Variants in ZDHHC17 observed in about 807,000 individuals in gnomAD.
ZDHHC17 encodes palmitoyltransferase ZDHHC17.
In ZDHHC17, 40 loss-of-function variants were observed where a neutral mutation model predicts 90.3. The ratio of observed to expected loss-of-function variants is 0.44; its 90% confidence interval spans 0.34 to 0.58. ZDHHC17 has a LOEUF of 0.58. ZDHHC17 is among the 20% of genes least tolerant of loss of function. The probability of loss-of-function intolerance (pLI) is 0.01; values close to 1 mark genes in which losing one functional copy is unlikely to be tolerated. For missense variants in ZDHHC17, 614 were observed against 780.8 expected, an observed-to-expected ratio of 0.79 and a Z score of 2.55; for synonymous variants, 235 against 252.4, an observed-to-expected ratio of 0.93 and a Z score of 0.65.
intron 1 of ZDHHC17, among the ~76,000 whole-genome samples, chr12:76,770,437 T>G (rs908749507): frequency 6.6e-6 from 1 of 152,210 alleles, no homozygotes; most frequent in Non-Finnish European, 1.5e-5. Flanking sequence ...TTTGCTAGGC[T>G]CCGAAGTAAT....
intron 1 of ZDHHC17, among the ~76,000 whole-genome samples, chr12:76,780,969 T>C (rs1445996766): frequency 6.9e-6 from 1 of 144,548 alleles, no homozygotes; most frequent in African/African-American, 2.6e-5. Flanking sequence ...CTACTAAAAA[T>C]ACAAAAAAAA....
At chr12:76,773,830 T>A (rs981856829) in intron 1 of ZDHHC17, among the ~76,000 whole-genome samples, 2 of 152,240 alleles carry the variant, frequency 1.3e-5, no homozygotes, top group Non-Finnish European at 2.9e-5. Flanking sequence ...GCAGTTGCTC[T>A]AAGGCCACTT....
At chr12:76,825,809 G>C (rs558639666) in intron 8 of ZDHHC17, among the ~76,000 whole-genome samples, 9 of 152,180 alleles carry the variant, frequency 5.9e-5, no homozygotes, top group Non-Finnish European at 1.2e-4. Flanking sequence ...ACTCTGCTTT[G>C]TTAGACCACA....
intron 12 of ZDHHC17, chr12:76,844,637 A>G (rs1420380192): frequency 6.6e-6 from 1 of 152,160 alleles, no homozygotes; most frequent in East Asian, 1.9e-4. Context: ...CCTTCTCCTA[A>G]GTAGATTTAG....
chr12:76,764,296 C>T lies in ZDHHC17; in HGVS notation c.60C>T (p.Thr20=), dbSNP rs769351803. ...CGGACGGCCCGGATGAGTACGATAC[C>T]GAAGCGGGCTGTGTGCCCCTTCTCC... The part of the protein sequence containing the change: ...KMADGPDEYD[T]EAGCVPLLHP... Residue 20 remains threonine (T), a synonymous_variant, in exon 1 of 17, where the codon ACC becomes ACT. Transcript: ENST00000426126. The T allele has an allele frequency of 6.8e-5, 109 of 1,606,038 alleles. No homozygotes were observed. Among genetic ancestry groups the T allele is most frequent in the Non-Finnish European group, 9.1e-5 (107 of 1,176,514 alleles).
intron 1 of ZDHHC17, among the ~76,000 whole-genome samples, chr12:76,787,420 G>A (rs1008839531): frequency 6.6e-6 from 1 of 152,106 alleles, no homozygotes; most frequent in Non-Finnish European, 1.5e-5. Flanking sequence ...ACAGTGTTAT[G>A]CATTCCCTGG....
chr12:76,834,236 TTTA>T (rs1953337977), intron 10 of ZDHHC17, among the ~76,000 whole-genome samples: 1 of 152,224 alleles, frequency 6.6e-6, no homozygotes, highest in African/African-American at 2.4e-5. Context: ...CTATGCTTCT[TTTA>T]TTATAATTAA....
intron 1 of ZDHHC17, among the ~76,000 whole-genome samples, chr12:76,792,545 C>A (rs1592468843): frequency 6.6e-6 from 1 of 151,888 alleles, no homozygotes; most frequent in Non-Finnish European, 1.5e-5. Flanking sequence ...TCAGCTTATC[C>A]CAGCTCTTCC....
At position 76,797,418 on chromosome 12, in the gene ZDHHC17, AT is replaced by A; in HGVS notation, c.94-12del. On this transcript the variant is annotated splice_polypyrimidine_tract_variant and intron_variant, in intron 1 of 16. Transcript: ENST00000426126. Reference sequence around the variant, plus strand: ...TTTTTTCAATTCTTGCCTGTGTGTGATTTTCTTTTTAACAGGAAATCAAACC... The same window carrying A: ...TTTTTTCAATTCTTGCCTGTGTGTGATTTCTTTTTAACAGGAAATCAAACC... 6.3e-7 allele frequency: 1 copy of A among 1,580,808 alleles called. No homozygotes were observed. Among genetic ancestry groups the A allele is most frequent in the Non-Finnish European group, 8.6e-7 (1 of 1,162,058 alleles).
chr12:76,841,542 A>C (rs1409580355), intron 10 of ZDHHC17, among the ~76,000 whole-genome samples: 2 of 152,122 alleles, frequency 1.3e-5, no homozygotes, highest in African/African-American at 4.8e-5. Context: ...TCTGAAATCA[A>C]TTTCAGTGTG....
chr12:76,848,419 A>C, intron 15 of ZDHHC17, 29 bp downstream of exon 15: 1 of 1,606,970 alleles, frequency 6.2e-7, no homozygotes, highest in Non-Finnish European at 8.5e-7. Flanking sequence ...TTTTTAGTGC[A>C]CTAAGTGAAA....
At chr12:76,822,355 A>C (rs1953173537) in intron 7 of ZDHHC17, 51 bp from the exon 8 acceptor site, 1 of 1,596,546 alleles carries the variant, frequency 6.3e-7, no homozygotes, top group Non-Finnish European at 8.6e-7. Context: ...GGTAACTAAG[A>C]TAGCCTGCTT....
intron 1 of ZDHHC17, 73 bp downstream of exon 1, chr12:76,764,402 G>A: frequency 7.0e-7 from 1 of 1,421,604 alleles, no homozygotes; most frequent in Non-Finnish European, 9.6e-7. Context: ...CGCCGAGGGC[G>A]GCGGCCGACG....
intron 8 of ZDHHC17, among the ~76,000 whole-genome samples, chr12:76,826,529 T>C (rs900118141): frequency 6.6e-6 from 1 of 152,222 alleles, no homozygotes; most frequent in Non-Finnish European, 1.5e-5. Context: ...ATAATTCTTA[T>C]ACTATTAGTC....
chr12:76,817,621 T>A (rs1953105475), intron 7 of ZDHHC17, among the ~76,000 whole-genome samples: 1 of 152,108 alleles, frequency 6.6e-6, no homozygotes, highest in South Asian at 2.1e-4. Flanking sequence ...CATATAAAAT[T>A]AGGTTAAATT....
At chr12:76,780,578 T>A (rs1952610867) in intron 1 of ZDHHC17, among the ~76,000 whole-genome samples, 1 of 152,238 alleles carries the variant, frequency 6.6e-6, no homozygotes, top group Non-Finnish European at 1.5e-5. Context: ...AAGTTGTCTG[T>A]ACTTGCTGTT....
intron 1 of ZDHHC17, among the ~76,000 whole-genome samples, chr12:76,797,168 CAGG>C (rs368150178): frequency 2.0e-5 from 3 of 152,002 alleles, no homozygotes; most frequent in East Asian, 1.9e-4. Flanking sequence ...GGAGGCTAGA[CAGG>C]AGAATCACTT....
intron 1 of ZDHHC17, among the ~76,000 whole-genome samples, chr12:76,772,154 G>A (rs1182258850): frequency 6.6e-6 from 1 of 152,212 alleles, no homozygotes; most frequent in Non-Finnish European, 1.5e-5. Flanking sequence ...GAGGTATAGA[G>A]AGGTTAAGTA....
At chr12:76,844,278 C>T (rs1013446641) in intron 12 of ZDHHC17, 3 of 152,096 alleles carry the variant, frequency 2.0e-5, no homozygotes, top group Admixed American at 6.6e-5. Context: ...AAGCCACATA[C>T]TTCTTGTTGT....
Sources: allele counts gnomAD v4.1 joint callset (sites outside exome capture counted in the v4.1 genomes callset), GRCh38; gene constraint gnomAD v4.1.1; transcripts MANE v1.5; gene names NCBI Gene and HGNC (gene_info 2026-07-23, HGNC 2026-07-21).